Variants in ZC3H3 observed in about 807,000 individuals in gnomAD.
ZC3H3 encodes zinc finger CCCH domain-containing protein 3.
Under a neutral mutation model 77.3 loss-of-function variants are expected in ZC3H3, and 36 were observed. That is an observed-to-expected ratio of 0.47 (90% confidence interval 0.36 to 0.61). ZC3H3 has a LOEUF of 0.61. Ranked by LOEUF, ZC3H3 falls within the 20% of genes least tolerant of loss-of-function variation. The pLI, the probability that ZC3H3 is intolerant of heterozygous loss-of-function variation, is 0.00. For missense variants in ZC3H3, 1,331 were observed against 1,312.2 expected, an observed-to-expected ratio of 1.01 and a Z score of -0.22; for synonymous variants, 626 against 555.2, an observed-to-expected ratio of 1.13 and a Z score of -1.79.
intron 9 of ZC3H3, among the ~76,000 whole-genome samples, chr8:143,448,647 T>G (rs1345415517): frequency 1.3e-5 from 2 of 152,192 alleles, no homozygotes; most frequent in African/African-American, 2.4e-5. Context: ...GAGCCAGCAC[T>G]GAGTGCCTGC....
At position 143,494,257 on chromosome 8, in the gene ZC3H3, C is replaced by CG. The variant is rs1303689196; in HGVS notation, c.1715+13488dup. 6.6e-6 allele frequency among the ~76,000 whole-genome samples: 1 copy of CG among 152,222 alleles called. No homozygotes were observed. Among genetic ancestry groups the CG allele is most frequent in the Non-Finnish European group, 1.5e-5 (1 of 68,044 alleles). On this transcript the variant is annotated intron_variant, in intron 4 of 11. Transcript: ENST00000262577. The surrounding 1 kb of genome is among the most constrained non-coding windows in gnomAD (Gnocchi z 5.3). ...CAGAGACTTCCTGCCACCCTCAGGC[C>CG]GAACTTCCTGCTTTGATTTCTTTAC... is the stretch of plus-strand genomic sequence containing the variant.
Position 143,493,341 on chromosome 8 carries a change from C to A in ZC3H3, c.1715+14405G>T, listed in dbSNP as rs428772. ...TCCGGAAAAAGTCCCAGAGGATCAG[C>A]GGTGTCCCTCAGGGACATCCCAGCC... is the stretch of plus-strand genomic sequence containing the variant. On this transcript the variant is annotated intron_variant, in intron 4 of 11. Transcript: ENST00000262577. The surrounding 1 kb of genome is among the most constrained non-coding windows in gnomAD (Gnocchi z 4.8). 0.028 allele frequency among the ~76,000 whole-genome samples: 4,244 copies of A among 152,312 alleles called. 180 individuals carry two copies. The highest frequency in any genetic ancestry group is 0.096 in the African/African-American group (3,995 of 41,556).
intron 9 of ZC3H3, among the ~76,000 whole-genome samples, chr8:143,449,046 A>G (rs1306543266): frequency 6.6e-6 from 1 of 152,212 alleles, no homozygotes; most frequent in East Asian, 1.9e-4. Context: ...GGCTGGACAC[A>G]GGGACGCAGA....
Position 143,522,614 on chromosome 8 carries a change from AAC to A in ZC3H3, c.1561+13641_1561+13642del, listed in dbSNP as rs368864660. Among the ~76,000 whole-genome samples, 395 of 146,024 alleles carry A rather than the reference AAC, an allele frequency of 2.7e-3. 2 individuals are homozygous for A. The highest frequency in any genetic ancestry group is 7.8e-3 in the Middle Eastern group (2 of 256). ...AGCAAGACTCTCTGTCTTAAAAAAA[AAC>A]ACACACACACAAATATATTGGGCTG... On this transcript the variant is annotated intron_variant, in intron 3 of 11. Coordinates refer to ENST00000262577, the MANE Select transcript of ZC3H3 (RefSeq NM_015117.3).
chr8:143,531,506 T>G (rs1027668889), intron 3 of ZC3H3, among the ~76,000 whole-genome samples: 3 of 152,204 alleles, frequency 2.0e-5, no homozygotes, highest in African/African-American at 7.2e-5. Context: ...TCCCCAGGCG[T>G]GAGCGGCCAC....
intron 3 of ZC3H3, among the ~76,000 whole-genome samples, chr8:143,510,855 C>T (rs781475886): frequency 6.6e-6 from 1 of 152,180 alleles, no homozygotes; most frequent in African/African-American, 2.4e-5. Flanking sequence ...GATGCATTCC[C>T]GTGGCACACT....
At chr8:143,506,210 G>C (rs192639914) in intron 4 of ZC3H3, among the ~76,000 whole-genome samples, 52 of 152,330 alleles carry the variant, frequency 3.4e-4, no homozygotes, top group African/African-American at 1.2e-3. Context: ...AGAAGGAGAG[G>C]CCCTGCTGGG....
At chr8:143,482,288 C>G (rs1304879077) in intron 4 of ZC3H3, among the ~76,000 whole-genome samples, 2 of 152,248 alleles carry the variant, frequency 1.3e-5, no homozygotes, top group African/African-American at 2.4e-5. Flanking sequence ...TGTCACAGCA[C>G]TGGGGAGGCC....
intron 3 of ZC3H3, among the ~76,000 whole-genome samples, chr8:143,522,700 C>T (rs1822287853): frequency 6.6e-6 from 1 of 152,182 alleles, no homozygotes; most frequent in South Asian, 2.1e-4. Context: ...AAGCAGATCG[C>T]CTGAGCCCAG....
intron 9 of ZC3H3, among the ~76,000 whole-genome samples, chr8:143,461,554 G>A (rs558169201): frequency 2.0e-5 from 3 of 152,278 alleles, no homozygotes; most frequent in Middle Eastern, 3.4e-3. Context: ...AGGCTGGAGC[G>A]CGGACATTCG....
intron 9 of ZC3H3, among the ~76,000 whole-genome samples, chr8:143,451,077 G>A (rs1265043503): frequency 6.6e-6 from 1 of 152,080 alleles, no homozygotes; most frequent in East Asian, 1.9e-4. Context: ...GACTGCGGGT[G>A]CCCACAAGGA....
chr8:143,527,591 T>C (rs564732909), intron 3 of ZC3H3, among the ~76,000 whole-genome samples: 3 of 152,358 alleles, frequency 2.0e-5, no homozygotes, highest in East Asian at 3.9e-4. Flanking sequence ...CAAAGATCGC[T>C]GTGGCTGCCT....
At chr8:143,461,709 A>G (rs921825501) in intron 9 of ZC3H3, among the ~76,000 whole-genome samples, 3 of 152,216 alleles carry the variant, frequency 2.0e-5, no homozygotes, top group Non-Finnish European at 2.9e-5. Context: ...AACATGATGC[A>G]AAATCAAAGA....
rs1822786862 is a variant in ZC3H3, at chr8:143,536,114, C to G, written c.1561+143G>C. ...CCCTATCCTCTATCTGCCAGCCCAC[C>G]ACCACCGTCTGCCAGGCAGTGCCCT... On this transcript the variant is annotated intron_variant, in intron 3 of 11. Transcript: ENST00000262577. 4 of 1,044,084 alleles carry G rather than the reference C, an allele frequency of 3.8e-6. No homozygotes were observed. In the Admixed American group the frequency reaches 1.1e-4, roughly 28 times the overall value. 64.7% of individuals were successfully genotyped at this position (1,044,084 alleles called of 1,614,324 possible).
intron 3 of ZC3H3, among the ~76,000 whole-genome samples, chr8:143,527,985 A>G (rs1031235486): frequency 6.6e-6 from 1 of 152,212 alleles, no homozygotes; most frequent in Non-Finnish European, 1.5e-5. Context: ...TGCCTCCTGC[A>G]TCCGGCAAAG....
intron 5 of ZC3H3, 64 bp downstream of exon 5, chr8:143,475,334 G>T: frequency 6.5e-7 from 1 of 1,540,878 alleles, no homozygotes; most frequent in Non-Finnish European, 8.8e-7. Context: ...GGTCTGGCCT[G>T]CAATGCCCAC....
At chr8:143,489,741 G>C (rs1019966921) in intron 4 of ZC3H3, among the ~76,000 whole-genome samples, 4 of 152,218 alleles carry the variant, frequency 2.6e-5, no homozygotes, top group Non-Finnish European at 5.9e-5. Context: ...ATTTATTCAA[G>C]CCATTTTTCC....
At chr8:143,477,518 C>T (rs963228200) in intron 4 of ZC3H3, among the ~76,000 whole-genome samples, 1 of 152,200 alleles carries the variant, frequency 6.6e-6, no homozygotes. Context: ...CCAGTGCAGC[C>T]CCGGCCTCCA....
Position 143,517,159 on chromosome 8 carries a change from C to T in ZC3H3, c.1562-9260G>A, listed in dbSNP as rs111397184. On this transcript the variant is annotated intron_variant, in intron 3 of 11. Transcript: ENST00000262577. The stretch of plus-strand genomic sequence containing the variant: ...CTGCTAGTTCCCGTTAATTATTGTG[C>T]GCGAGCCATCGATCGCACGCCGACA... Among the ~76,000 whole-genome samples the T allele has an allele frequency of 9.6e-3, 1,457 of 152,328 alleles. 12 individuals carry two copies. Among genetic ancestry groups the T allele is most frequent in the Non-Finnish European group, 0.013 (883 of 68,032 alleles).
Sources: gnomAD v4.1 joint callset for allele counts (sites outside exome capture counted in the v4.1 genomes callset) on GRCh38, gnomAD v4.1.1 for gene constraint, Gnocchi (gnomAD v3.1) non-coding constraint, MANE v1.5 for transcripts, NCBI Gene and HGNC (gene_info 2026-07-23, HGNC 2026-07-21) for gene names.